Variants in IGF1R observed in about 807,000 individuals in gnomAD.
The protein encoded by IGF1R is insulin like growth factor 1 receptor.
Under a neutral mutation model 144.6 loss-of-function variants are expected in IGF1R, and 44 were observed. The observed-to-expected ratio is 0.30, with a 90% CI of 0.24 to 0.39. The LOEUF (loss-of-function observed/expected upper bound fraction) is 0.39, where lower values mean the gene tolerates loss of function less well. Ranked by LOEUF, IGF1R falls within the 10% of genes least tolerant of loss-of-function variation. The pLI is 1.00. For synonymous variants in IGF1R, 795 were observed against 722.8 expected, an observed-to-expected ratio of 1.10 and a Z score of -1.60; for missense variants, 1,355 against 1,833.7, an observed-to-expected ratio of 0.74 and a Z score of 4.77.
chr15:98,741,235 CTTTTTTTTTTTTT>C (rs540942858), intron 2 of IGF1R, among the ~76,000 whole-genome samples: 3 of 70,328 alleles, frequency 4.3e-5, no homozygotes, highest in African/African-American at 1.4e-4. Flanking sequence ...TTTTCCTGAG[CTTTTTTTTTTTTT>C]TTTTTTTTTT....
At chr15:98,806,161 A>G (rs2056465795) in intron 2 of IGF1R, among the ~76,000 whole-genome samples, 1 of 152,118 alleles carries the variant, frequency 6.6e-6, no homozygotes, top group Non-Finnish European at 1.5e-5. Flanking sequence ...AAATTCCAGA[A>G]AGTAGTTGAC....
chr15:98,889,366 G>A (rs556952442), intron 2 of IGF1R, among the ~76,000 whole-genome samples: 10 of 152,330 alleles, frequency 6.6e-5, no homozygotes, highest in Non-Finnish European at 1.2e-4. Context: ...GAGGCAACTA[G>A]TGGGTGTGTA....
chr15:98,923,791 G>A (rs17847206), intron 11 of IGF1R, 85 bp from the exon 12 acceptor site: 8 of 1,064,364 alleles, frequency 7.5e-6, no homozygotes, highest in Middle Eastern at 2.7e-4. Context: ...CGTGTGGATG[G>A]GGGGGTTATT....
At chr15:98,805,843 A>G (rs958503085) in intron 2 of IGF1R, among the ~76,000 whole-genome samples, 1 of 152,180 alleles carries the variant, frequency 6.6e-6, no homozygotes, top group Admixed American at 6.5e-5. Context: ...CCATACCAAC[A>G]ACCAGTTGTC....
At position 98,712,552 on chromosome 15, in the gene IGF1R, C is replaced by G. The variant is rs76313564; in HGVS notation, c.640+4445C>G. ...CTCCCCCTTACAGCAGTGACATAGC[C>G]TCTCTCCTGCTATTGTGTCCTGTGG... On this transcript the variant is annotated intron_variant, in intron 2 of 20. Coordinates refer to ENST00000650285, the MANE Select transcript of IGF1R (RefSeq NM_000875.5). Among the ~76,000 whole-genome samples the G allele has an allele frequency of 5.4e-3, 824 of 152,078 alleles. 9 individuals carry two copies. The highest frequency in any genetic ancestry group is 0.019 in the African/African-American group (776 of 41,454).
chr15:98,765,863 C>T (rs1035354260), intron 2 of IGF1R, among the ~76,000 whole-genome samples: 1 of 152,158 alleles, frequency 6.6e-6, no homozygotes, highest in Non-Finnish European at 1.5e-5. Flanking sequence ...TGTCCATGGT[C>T]CAGCAGGGAG....
intron 2 of IGF1R, among the ~76,000 whole-genome samples, chr15:98,763,632 A>G (rs1052161082): frequency 6.6e-6 from 1 of 152,148 alleles, no homozygotes; most frequent in Non-Finnish European, 1.5e-5. Context: ...TTGGAAGCCT[A>G]AGGGTTTTGA....
At chr15:98,910,593 T>G (rs535247690) in intron 6 of IGF1R, among the ~76,000 whole-genome samples, 26 of 152,326 alleles carry the variant, frequency 1.7e-4, no homozygotes, top group African/African-American at 6.3e-4. Flanking sequence ...CTTTCCCTGG[T>G]CCTTATCGTA....
At chr15:98,874,336 C>G (rs1036271573) in intron 2 of IGF1R, among the ~76,000 whole-genome samples, 2 of 152,064 alleles carry the variant, frequency 1.3e-5, no homozygotes, top group Middle Eastern at 3.2e-3. Context: ...TAGCAGAAGT[C>G]TGTTTGGCAG....
chr15:98,781,892 T>C (rs548091147), intron 2 of IGF1R, among the ~76,000 whole-genome samples: 3 of 152,222 alleles, frequency 2.0e-5, no homozygotes, highest in East Asian at 1.9e-4. Flanking sequence ...TAAATGTTAA[T>C]GTAGTCCAAC....
chr15:98,734,988 A>G (rs1340714933), intron 2 of IGF1R, among the ~76,000 whole-genome samples: 1 of 152,138 alleles, frequency 6.6e-6, no homozygotes, highest in Non-Finnish European at 1.5e-5. Flanking sequence ...GGGTAGCGGT[A>G]TCCTTCTTAT....
intron 2 of IGF1R, among the ~76,000 whole-genome samples, chr15:98,719,060 G>C (rs1350728878): frequency 2.6e-5 from 4 of 152,236 alleles, no homozygotes; most frequent in African/African-American, 4.8e-5. Context: ...CAGATAGGAT[G>C]TAAGGATATA....
Position 98,935,379 on chromosome 15 carries a change from C to T in IGF1R, c.3250C>T (p.Arg1084Trp), listed in dbSNP as rs1319140524. Residue 1084 changes from arginine to tryptophan, a missense_variant, in exon 17 of 21, where the codon CGG (arginine) becomes TGG (tryptophan). By Grantham distance (101) the Arg-to-Trp change is moderately radical. Transcript: ENST00000650285. The surrounding 1 kb of genome is among the most constrained non-coding windows in gnomAD (Gnocchi z 4.2). ...ACTGGTCATCATGGAACTGATGACA[C>T]GGGGCGATCTCAAAAGTTATCTCCG... ...PTLVIMELMT[R>W]GDLKSYLRSL... is the part of the protein sequence containing the mutation. 9 of 1,551,320 alleles carry T rather than the reference C, an allele frequency of 5.8e-6. No homozygotes were observed. The highest frequency in any genetic ancestry group is 7.8e-6 in the Non-Finnish European group (9 of 1,146,798).
intron 1 of IGF1R, among the ~76,000 whole-genome samples, chr15:98,685,875 G>C (rs2053315005): frequency 6.6e-6 from 1 of 152,168 alleles, no homozygotes; most frequent in Non-Finnish European, 1.5e-5. Flanking sequence ...TTTAAAGGGT[G>C]GTGTCAGACA....
chr15:98,808,058 A>G (rs2056505345), intron 2 of IGF1R, among the ~76,000 whole-genome samples: 1 of 152,202 alleles, frequency 6.6e-6, no homozygotes, highest in South Asian at 2.1e-4. Context: ...ACACACAGAT[A>G]CCACATCCAT....
At chr15:98,654,740 G>A (rs1242698779) in intron 1 of IGF1R, among the ~76,000 whole-genome samples, 1 of 152,112 alleles carries the variant, frequency 6.6e-6, no homozygotes, top group African/African-American at 2.4e-5. Flanking sequence ...TGAGTCCAGG[G>A]GATGAGCTCT....
chr15:98,885,201 C>T (rs1260693640), intron 2 of IGF1R, among the ~76,000 whole-genome samples: 2 of 152,128 alleles, frequency 1.3e-5, no homozygotes, highest in Non-Finnish European at 2.9e-5. Flanking sequence ...GGGCTGAGTC[C>T]CCGAACCTGC....
At position 98,922,239 on chromosome 15, in the gene IGF1R, A is replaced by G; in HGVS notation, c.2293A>G (p.Ile765Val). 2 of 1,614,168 alleles carry G rather than the reference A, an allele frequency of 1.2e-6. No homozygotes were observed. The highest frequency in any genetic ancestry group is 1.7e-6 in the Non-Finnish European group (2 of 1,180,006). Residue 765 changes from isoleucine to valine, a missense_variant, in exon 11 of 21, where the codon ATC becomes GTC. Around this residue, in one of 7 missense-constraint regions of IGF1R, gnomAD observed 880 missense variants for 1,202.7 expected, o/e 0.73. Coordinates refer to ENST00000650285, the MANE Select transcript of IGF1R (RefSeq NM_000875.5). Reference protein sequence around the residue: ...RNTTAADTYNITDPEELETEY... With the variant: ...RNTTAADTYNVTDPEELETEY... ...CACCACGGCCGCAGACACCTACAACATCACCGACCCGGAAGAGCTGGAGAC... is the reference window on the plus strand; with the variant it reads ...CACCACGGCCGCAGACACCTACAACGTCACCGACCCGGAAGAGCTGGAGAC...
At chr15:98,715,276 T>G (rs1596225111) in intron 2 of IGF1R, among the ~76,000 whole-genome samples, 2 of 152,330 alleles carry the variant, frequency 1.3e-5, no homozygotes, top group East Asian at 3.9e-4. Context: ...GCGTGTGCCT[T>G]GTGCCTCAAA....
Sources: allele counts gnomAD v4.1 joint callset (sites outside exome capture counted in the v4.1 genomes callset), GRCh38; gene constraint gnomAD v4.1.1; regional missense constraint gnomAD v4.1.1; non-coding constraint Gnocchi (gnomAD v3.1); transcripts MANE v1.5; gene names NCBI Gene and HGNC (gene_info 2026-07-23, HGNC 2026-07-21).